HSD17B12: variants seen among roughly 807,000 people sequenced by gnomAD.
HSD17B12 encodes the protein hydroxysteroid 17-beta dehydrogenase 12.
A neutral mutation model predicts 39.3 loss-of-function variants in HSD17B12; 32 were observed. That is an observed-to-expected ratio of 0.81 (90% confidence interval 0.61 to 1.09). HSD17B12 has a LOEUF of 1.09. Ranked by LOEUF, HSD17B12 falls within the 50% of genes least tolerant of loss-of-function variation. HSD17B12 has a pLI of 0.00. For synonymous variants in HSD17B12, 150 were observed against 146.7 expected, an observed-to-expected ratio of 1.02 and a Z score of -0.16; for missense variants, 342 against 382.9, an observed-to-expected ratio of 0.89 and a Z score of 0.89.
chr11:43,653,035 G>A, the HSD17B12 span, among the ~76,000 whole-genome samples: 1 of 151,814 alleles, frequency 6.6e-6, no homozygotes, highest in Admixed American at 6.6e-5. Flanking sequence ...AGGGTCTTAT[G>A]ACCTACAATC....
intron 6 of HSD17B12, among the ~76,000 whole-genome samples, chr11:43,817,807 C>CT (rs368454526): frequency 6.9e-4 from 103 of 150,302 alleles, no homozygotes; most frequent in African/African-American, 2.0e-3. Flanking sequence ...TTTGCTTAGT[C>CT]TTTTTTTTTG....
intron 6 of HSD17B12, chr11:43,830,101 CT>C (rs1243456755): frequency 1.3e-5 from 2 of 152,280 alleles, no homozygotes; most frequent in Admixed American, 1.3e-4. Flanking sequence ...CATCAGAATG[CT>C]GTCTACTTTA....
chr11:43,775,461 T>G (rs1241013283), intron 3 of HSD17B12, among the ~76,000 whole-genome samples: 1 of 150,880 alleles, frequency 6.6e-6, no homozygotes, highest in Non-Finnish European at 1.5e-5. Context: ...TCCAGAGAAC[T>G]CTTTGAACAA....
intron 6 of HSD17B12, chr11:43,830,560 TG>T (rs1415956230): frequency 6.5e-6 from 1 of 152,958 alleles, no homozygotes; most frequent in Admixed American, 6.5e-5. Context: ...TTTTTTTGGC[TG>T]GAAAAGTTTA....
chr11:43,585,535 A>G, the HSD17B12 span, among the ~76,000 whole-genome samples: 2 of 152,254 alleles, frequency 1.3e-5, no homozygotes, highest in Admixed American at 6.5e-5. Flanking sequence ...TGCTATGTTA[A>G]TTAAATGACT....
Position 43,816,408 on chromosome 11 carries a change from T to C in HSD17B12, c.501+17T>C, listed in dbSNP as rs186419151. ...GTTTGTAAGGTAAGCATCCTTGTTA[T>C]AAAGATGTCATCCTTTTTTGGTTCC... On this transcript the variant is annotated intron_variant, in intron 6 of 10. Coordinates refer to ENST00000278353, the MANE Select transcript of HSD17B12 (RefSeq NM_016142.3). 3.7e-4 allele frequency: 553 copies of C among 1,514,230 alleles called. 3 individuals carry two copies. Among genetic ancestry groups the C allele is most frequent in the East Asian group, 9.9e-5 (4 of 40,390 alleles). 93.8% of individuals were successfully genotyped at this position (1,514,230 alleles called of 1,614,324 possible).
the HSD17B12 span, among the ~76,000 whole-genome samples, chr11:43,606,119 C>T: frequency 1.3e-5 from 2 of 152,202 alleles, no homozygotes; most frequent in South Asian, 2.1e-4. Context: ...GTAGAAGGGC[C>T]TGGTCTATTT....
the HSD17B12 span, among the ~76,000 whole-genome samples, chr11:43,634,197 A>T: frequency 2.0e-5 from 3 of 151,624 alleles, no homozygotes; most frequent in Non-Finnish European, 4.4e-5. Flanking sequence ...AGAAAAAATA[A>T]CCTCAGATTG....
chr11:43,578,231 GGTAA>G, the HSD17B12 span, among the ~76,000 whole-genome samples: 1 of 152,298 alleles, frequency 6.6e-6, no homozygotes, highest in Middle Eastern at 3.4e-3. Context: ...GGGACGGTGA[GGTAA>G]GTATTAGTGG....
Position 43,815,486 on chromosome 11 carries a change from T to C in HSD17B12, c.441T>C (p.Val147=). ...SYEYPEYFLD[V]PDLDNVIKKM... ...AGTATCCTGAATACTTTTTGGATGT[T>C]CCTGACTTGGACAATGTAAGTCTTT... is the stretch of plus-strand genomic sequence containing the variant. The change falls in exon 5 of 11, where the codon GTT becomes GTC. Residue 147 remains valine (V), a synonymous_variant. Transcript: ENST00000278353. 6.3e-7 allele frequency: 1 copy of C among 1,576,276 alleles called. No homozygotes were observed. The highest frequency in any genetic ancestry group is 1.2e-5 in the South Asian group (1 of 84,762).
chr11:43,566,873 G>A, the HSD17B12 span, among the ~76,000 whole-genome samples: 1 of 152,176 alleles, frequency 6.6e-6, no homozygotes, highest in Non-Finnish European at 1.5e-5. Flanking sequence ...TGCCCCGATA[G>A]GTTAGCCGAC....
At chr11:43,791,564 A>G (rs1277552128) in intron 3 of HSD17B12, among the ~76,000 whole-genome samples, 1 of 151,938 alleles carries the variant, frequency 6.6e-6, no homozygotes, top group Non-Finnish European at 1.5e-5. Context: ...AAGAAGAGGA[A>G]TATTTTGCCT....
At chr11:43,566,617 C>T in the HSD17B12 span, among the ~76,000 whole-genome samples, 2 of 152,080 alleles carry the variant, frequency 1.3e-5, no homozygotes, top group African/African-American at 2.4e-5. Flanking sequence ...GCAACCTCCT[C>T]CTCCCGGGTT....
chr11:43,652,795 C>T, the HSD17B12 span, among the ~76,000 whole-genome samples: 1 of 152,144 alleles, frequency 6.6e-6, no homozygotes, highest in South Asian at 2.1e-4. Flanking sequence ...GGAAGCTCCC[C>T]ACACTCTGTC....
chr11:43,686,874 A>G (rs1046435595), intron 1 of HSD17B12, among the ~76,000 whole-genome samples: 83 of 152,198 alleles, frequency 5.5e-4, no homozygotes, highest in African/African-American at 2.0e-3. Context: ...TAGAAGAAAG[A>G]GTTGATATCT....
chr11:43,657,026 G>T, the HSD17B12 span, among the ~76,000 whole-genome samples: 1 of 152,112 alleles, frequency 6.6e-6, no homozygotes, highest in Non-Finnish European at 1.5e-5. Context: ...TTATTATTGT[G>T]TGGGAGTCTA....
At chr11:43,757,188 A>C (rs1480197373) in intron 3 of HSD17B12, among the ~76,000 whole-genome samples, 1 of 152,214 alleles carries the variant, frequency 6.6e-6, no homozygotes, top group Non-Finnish European at 1.5e-5. Flanking sequence ...TGTCAAAGAC[A>C]GACTAACTCT....
chr11:43,656,593 A>G, the HSD17B12 span, among the ~76,000 whole-genome samples: 1 of 151,988 alleles, frequency 6.6e-6, no homozygotes, highest in African/African-American at 2.4e-5. Flanking sequence ...AGATTCTGGT[A>G]TGTTGTGTCT....
chr11:43,697,306 G>T (rs1364476682), intron 1 of HSD17B12, among the ~76,000 whole-genome samples: 1 of 152,170 alleles, frequency 6.6e-6, no homozygotes. Context: ...TGGTTCAGGG[G>T]CTTAAGGAAG....
Sources: allele counts gnomAD v4.1 joint callset (sites outside exome capture counted in the v4.1 genomes callset), GRCh38; gene constraint gnomAD v4.1.1; transcripts MANE v1.5; gene names NCBI Gene and HGNC (gene_info 2026-07-23, HGNC 2026-07-21).